The following POLR3GL variants were observed in gnomAD, a reference collection of about 807,000 sequenced individuals.
POLR3GL encodes DNA-directed RNA polymerase III subunit RPC7-like.
In POLR3GL, 26 loss-of-function variants were observed where a neutral mutation model predicts 32.4. That is an observed-to-expected ratio of 0.80 (90% CI 0.59 to 1.11). The LOEUF (loss-of-function observed/expected upper bound fraction) is 1.11. Among genes scored for constraint, POLR3GL ranks in the 50% most tolerant of loss-of-function variants. The pLI, the probability that POLR3GL is intolerant of heterozygous loss-of-function variation, is 0.00. For missense variants in POLR3GL, 229 were observed against 280.1 expected, an observed-to-expected ratio of 0.82 and a Z score of 1.30; for synonymous variants, 95 against 98.7, an observed-to-expected ratio of 0.96 and a Z score of 0.22.
chr1:145,975,183 A>T, intron 2 of POLR3GL, 124 bp from the exon 3 acceptor site: 1 of 1,358,172 alleles, frequency 7.4e-7, no homozygotes, highest in Non-Finnish European at 1.0e-6. Context: ...ATAATATGTT[A>T]CTCCCTCGAT....
chr1:145,976,326 C>T (rs1190185836), intron 3 of POLR3GL, among the ~76,000 whole-genome samples: 4 of 151,120 alleles, frequency 2.6e-5, no homozygotes, highest in Admixed American at 1.3e-4. Flanking sequence ...CACCTAGAAT[C>T]CCAGCACTTT....
intron 1 of POLR3GL, among the ~76,000 whole-genome samples, chr1:145,971,640 C>T (rs1650304564): frequency 6.6e-6 from 1 of 151,952 alleles, no homozygotes; most frequent in Admixed American, 6.6e-5. Flanking sequence ...TCTGGTCTCT[C>T]CACTGTAAAG....
At chr1:145,977,408 C>A (rs587603039) in intron 4 of POLR3GL, 75 bp from the exon 5 acceptor site, 7 of 1,430,716 alleles carry the variant, frequency 4.9e-6, no homozygotes, top group Admixed American at 1.7e-5. Context: ...CCCTCACCCC[C>A]CTTTAAAACC....
chr1:145,967,994 C>T (rs1199870964), intron 1 of POLR3GL, among the ~76,000 whole-genome samples: 2 of 152,206 alleles, frequency 1.3e-5, no homozygotes, highest in African/African-American at 2.4e-5. Context: ...TATTCTTAAC[C>T]TCTACATGTA....
chr1:145,970,670 G>A (rs587772536), intron 1 of POLR3GL, among the ~76,000 whole-genome samples: 74 of 151,002 alleles, frequency 4.9e-4, no homozygotes, highest in African/African-American at 1.7e-3. Context: ...TCAGGAGTTC[G>A]AGACCAACCT....
chr1:145,972,462 T>C (rs1264277369), intron 1 of POLR3GL, among the ~76,000 whole-genome samples: 2 of 152,106 alleles, frequency 1.3e-5, no homozygotes, highest in Non-Finnish European at 2.9e-5. Context: ...TTTGGAATTC[T>C]ACATGAGAGA....
Position 145,977,137 on chromosome 1 carries a change from A to G in POLR3GL, c.310A>G (p.Ile104Val), listed in dbSNP as rs782747011. The change falls in exon 4 of 8, where the codon ATC becomes GTC. Residue 104 changes from isoleucine (I) to valine (V), a missense_variant. By Grantham distance (29) the Ile-to-Val change is conservative. Coordinates refer to ENST00000369314, the MANE Select transcript of POLR3GL (RefSeq NM_032305.3). ...YQMSGPIDNA[I>V]DWNPDWRRLP... is the part of the protein sequence containing the mutation. The stretch of plus-strand genomic sequence containing the variant: ...GATGTCAGGTCCGATTGACAATGCC[A>G]TCGATTGGAACCCTGGTAGGTGATG... 48 of 1,613,652 alleles carry G rather than the reference A, an allele frequency of 3.0e-5. No homozygotes were observed. The highest frequency in any genetic ancestry group is 3.4e-5 in the Non-Finnish European group (40 of 1,179,742).
rs893820362 is a variant in POLR3GL, at chr1:145,977,384, C to T, written c.326-99C>T. On this transcript the variant is annotated intron_variant, in intron 4 of 7. Coordinates refer to ENST00000369314, the MANE Select transcript of POLR3GL (RefSeq NM_032305.3). ...ACAACTTTGGCCCAGCCCCTTCCTT[C>T]CTCTCCTTTAAAACCCTCACCCCCC... The T allele has an allele frequency of 3.0e-5, 37 of 1,227,642 alleles. No individual in the cohort carries two copies. In the South Asian group the frequency reaches 4.6e-4, roughly 15 times the overall value. The allele number at this position is 1,227,642 out of a possible 1,614,324, so 76.0% of individuals were successfully genotyped here. A position where few individuals can be genotyped will look rare whatever the true frequency, so the allele number is the denominator to read the frequency against.
At chr1:145,966,264 T>C (rs1197244682) in intron 1 of POLR3GL, among the ~76,000 whole-genome samples, 1 of 148,346 alleles carries the variant, frequency 6.7e-6, no homozygotes, top group Non-Finnish European at 1.5e-5. Flanking sequence ...CAGATCACTT[T>C]AGCCCAGGAG....
intron 3 of POLR3GL, among the ~76,000 whole-genome samples, chr1:145,975,717 A>T (rs1650521496): frequency 6.6e-6 from 1 of 151,976 alleles, no homozygotes; most frequent in Non-Finnish European, 1.5e-5. Context: ...TTTTTTGTAA[A>T]ATAGAGATAG....
intron 1 of POLR3GL, among the ~76,000 whole-genome samples, chr1:145,972,004 A>G (rs1650337505): frequency 1.5e-5 from 2 of 134,056 alleles, no homozygotes; most frequent in African/African-American, 6.1e-5. Flanking sequence ...ATATATATAT[A>G]TATATATACG....
Position 145,976,932 on chromosome 1 carries a change from GTA to G in POLR3GL, c.257-151_257-150del. Reference sequence around the variant, plus strand: ...TGTCTCAAAAAAAAAAAAAAAAAAAGTAGATAAGGTCCTCACTGAAGCTGACC... The same window carrying G: ...TGTCTCAAAAAAAAAAAAAAAAAAAGGATAAGGTCCTCACTGAAGCTGACC... On this transcript the variant is annotated intron_variant, in intron 3 of 7. Transcript: ENST00000369314. 1.8e-4 allele frequency: 5 copies of G among 27,730 alleles called. 1 individual carries two copies. Among genetic ancestry groups the G allele is most frequent in the Admixed American group, 1.5e-3 (2 of 1,304 alleles). The allele number at this position is 27,730 out of a possible 1,614,324, so 1.7% of individuals were successfully genotyped here.
intron 3 of POLR3GL, among the ~76,000 whole-genome samples, chr1:145,976,793 G>A (rs1184144515): frequency 6.6e-6 from 1 of 150,858 alleles, no homozygotes; most frequent in Non-Finnish European, 1.5e-5. Flanking sequence ...TGTGCCTGTA[G>A]TCCCAGCTAC....
chr1:145,975,020 C>T, intron 2 of POLR3GL, 29 bp downstream of exon 2: 1 of 1,505,180 alleles, frequency 6.6e-7, no homozygotes. Context: ...TTCCCAGACT[C>T]TCATGTGCCC....
At chr1:145,978,232 C>A (rs369796484) in intron 7 of POLR3GL, 129 bp from the exon 8 acceptor site, 130 of 1,343,264 alleles carry the variant, frequency 9.7e-5, no homozygotes, top group Non-Finnish European at 9.2e-5. Flanking sequence ...CATCTGCCCC[C>A]CTTCTACAAA....
rs1650591851 is a variant in POLR3GL at position 145,977,123 on chromosome 1, C to T, written c.296C>T (p.Pro99Leu). ...RYSDKYQMSGPIDNAIDWNPD... is the reference protein window; with the variant it reads ...RYSDKYQMSGLIDNAIDWNPD... ...TCAGACAAATATCAGATGTCAGGTC[C>T]GATTGACAATGCCATCGATTGGAAC... Residue 99 changes from proline (P) to leucine (L), a missense_variant, in exon 4 of 8, where the codon CCG becomes CTG. Coordinates refer to ENST00000369314, the MANE Select transcript of POLR3GL (RefSeq NM_032305.3). 9 of 1,613,734 alleles carry T rather than the reference C, an allele frequency of 5.6e-6. No individual in the cohort carries two copies. Among genetic ancestry groups the T allele is most frequent in the Non-Finnish European group, 7.6e-6 (9 of 1,179,894 alleles).
chr1:145,968,778 G>C (rs782194712), intron 1 of POLR3GL, among the ~76,000 whole-genome samples: 6 of 151,956 alleles, frequency 3.9e-5, no homozygotes, highest in African/African-American at 1.2e-4. Context: ...TCACTTTGTT[G>C]GTCAGGCTGG....
At chr1:145,977,629 A>T in intron 5 of POLR3GL, 90 bp downstream of exon 5, 2 of 1,363,384 alleles carry the variant, frequency 1.5e-6, no homozygotes, top group Non-Finnish European at 2.1e-6. Flanking sequence ...CTTCCATCCC[A>T]GTTCCTATAC....
intron 1 of POLR3GL, among the ~76,000 whole-genome samples, chr1:145,968,167 C>T (rs1211471266): frequency 6.6e-6 from 1 of 152,096 alleles, no homozygotes; most frequent in African/African-American, 2.4e-5. Context: ...GGGGTAAACT[C>T]TCTGGAAAGG....
Sources: gnomAD v4.1 joint callset for allele counts (sites outside exome capture counted in the v4.1 genomes callset) on GRCh38, gnomAD v4.1.1 for gene constraint, MANE v1.5 for transcripts, NCBI Gene and HGNC (gene_info 2026-07-23, HGNC 2026-07-21) for gene names.